The following GRIN1 variants were observed in gnomAD, a reference collection of about 807,000 sequenced individuals.
GRIN1 encodes the protein glutamate receptor ionotropic, NMDA 1.
Under a neutral mutation model 103.0 loss-of-function variants are expected in GRIN1, and 38 were observed. The ratio of observed to expected loss-of-function variants is 0.37; its 90% confidence interval spans 0.28 to 0.48. GRIN1 has a LOEUF of 0.48. GRIN1 is among the 20% of genes least tolerant of loss of function. The pLI is 0.98. For missense variants in GRIN1, 577 were observed against 1,288.9 expected (o/e 0.45, Z 8.46); for synonymous variants, 544 against 532.7 (o/e 1.02, Z -0.29).
chr9:137,144,470 C>CGT (rs1832361057), intron 2 of GRIN1, among the ~76,000 whole-genome samples: 4 of 151,524 alleles, frequency 2.6e-5, no homozygotes, highest in Non-Finnish European at 4.4e-5. Context: ...CTGGCTAATA[C>CGT]GGTGAAACCC....
intron 18 of GRIN1, chr9:137,164,425 G>A (rs547978631): frequency 6.9e-4 from 156 of 226,296 alleles, no homozygotes; most frequent in Non-Finnish European, 1.2e-3. Flanking sequence ...GGGCAGCCAC[G>A]GCCCACCTGG....
Position 137,164,484 on chromosome 9 carries a change from G to A in GRIN1, c.2589+580G>A, listed in dbSNP as rs1052884831. 5 of 175,130 alleles carry A rather than the reference G, an allele frequency of 2.9e-5. No individual in the cohort carries two copies. In the South Asian group the frequency reaches 5.4e-4, roughly 19 times the overall value. 10.8% of individuals were successfully genotyped at this position (175,130 alleles called of 1,614,324 possible). On this transcript the variant is annotated intron_variant, in intron 18 of 19. Coordinates refer to ENST00000371561, the MANE Select transcript of GRIN1 (RefSeq NM_007327.4). ...ACAGGCCTAAGGGCTCGTGGCCCGC[G>A]GTCGAGTTCCGGTTCACTCCGTCTC...
intron 2 of GRIN1, among the ~76,000 whole-genome samples, chr9:137,142,896 TGAG>T (rs1387046013): frequency 2.0e-5 from 3 of 152,152 alleles, no homozygotes; most frequent in Non-Finnish European, 4.4e-5. Context: ...CCACAGGCTA[TGAG>T]GAGGGCTTCT....
chr9:137,156,856 C>G lies in GRIN1; in HGVS notation c.794-7C>G, dbSNP rs761167653. On this transcript the variant is annotated splice_region_variant and splice_polypyrimidine_tract_variant and intron_variant, in intron 5 of 19. Coordinates refer to ENST00000371561, the MANE Select transcript of GRIN1 (RefSeq NM_007327.4). The stretch of plus-strand genomic sequence containing the variant: ...CCCCACGGGCTCTGAGTCGCATGCT[C>G]GCCTAGGCATCCTCGGGCTGCAGCT... 1.2e-6 allele frequency: 2 copies of G among 1,610,360 alleles called. No individual in the cohort carries two copies. Among genetic ancestry groups the G allele is most frequent in the Admixed American group, 1.7e-5 (1 of 59,796 alleles).
intron 4 of GRIN1, among the ~76,000 whole-genome samples, chr9:137,153,646 AC>A (rs2131258768): frequency 6.6e-6 from 1 of 152,238 alleles, no homozygotes; most frequent in Admixed American, 6.5e-5. Context: ...TGATATACGC[AC>A]ACCTACATAC....
intron 4 of GRIN1, among the ~76,000 whole-genome samples, chr9:137,150,062 G>A (rs543577660): frequency 6.6e-6 from 1 of 152,284 alleles, no homozygotes; most frequent in African/African-American, 2.4e-5. Flanking sequence ...CCAAGGTAGG[G>A]TTGTTGCTTA....
chr9:137,151,568 C>T (rs1292783666), intron 4 of GRIN1, among the ~76,000 whole-genome samples: 1 of 148,222 alleles, frequency 6.7e-6, no homozygotes, highest in Admixed American at 6.7e-5. Context: ...ACGTGCCACC[C>T]AGGGAAAGCC....
intron 4 of GRIN1, among the ~76,000 whole-genome samples, chr9:137,151,917 T>TTTTTTTTTTG: frequency 7.4e-6 from 1 of 134,938 alleles, no homozygotes. Context: ...TTTTTTTTTT[T>TTTTTTTTTTG]TTTCTTTGAG....
intron 19 of GRIN1, among the ~76,000 whole-genome samples, 161 bp from the exon 20 acceptor site, chr9:137,167,250 G>T (rs1833930427): frequency 1.3e-5 from 2 of 152,094 alleles, no homozygotes; most frequent in African/African-American, 4.8e-5. Context: ...GGAGGCGTGG[G>T]TGGGGGGCTC....
chr9:137,152,777 C>A (rs1832978366), intron 4 of GRIN1, among the ~76,000 whole-genome samples: 1 of 152,132 alleles, frequency 6.6e-6, no homozygotes, highest in East Asian at 1.9e-4. Context: ...GAGCACACAC[C>A]ACACACCACA....
chr9:137,157,068 GCTGCTCTTGGGGAGGTGGGCGGGGTCA>G, intron 6 of GRIN1, 31 bp downstream of exon 6: 1 of 1,582,232 alleles, frequency 6.3e-7, no homozygotes. Context: ...GCTGGGCGGG[GCTGCTCTTGGGGAGGTGGGCGGGGTCA>G]CTCCAGAGAT....
intron 2 of GRIN1, 96 bp downstream of exon 2, chr9:137,142,243 T>G: frequency 7.9e-7 from 1 of 1,263,466 alleles, no homozygotes; most frequent in Admixed American, 1.7e-5. Context: ...CACATGGAAC[T>G]CACACACCAC....
intron 14 of GRIN1, 24 bp from the exon 15 acceptor site, chr9:137,162,822 G>A: frequency 6.2e-7 from 1 of 1,610,882 alleles, no homozygotes; most frequent in Non-Finnish European, 8.5e-7. Context: ...CCGCCGCCGC[G>A]ATCCCTGCCC....
Position 137,158,606 on chromosome 9 carries a change from T to A in GRIN1, c.1114-15T>A. On this transcript the variant is annotated splice_polypyrimidine_tract_variant and intron_variant, in intron 7 of 19. Coordinates refer to ENST00000371561, the MANE Select transcript of GRIN1 (RefSeq NM_007327.4). ...CCCTGCGTGGCCACCCTCCATCTCATACTCCCACCCCCAGGTCATCCCTAA... is the reference window on the plus strand; with the variant it reads ...CCCTGCGTGGCCACCCTCCATCTCAAACTCCCACCCCCAGGTCATCCCTAA... 1.2e-6 allele frequency: 2 copies of A among 1,612,048 alleles called. No homozygotes were observed. Among genetic ancestry groups the A allele is most frequent in the Non-Finnish European group, 1.7e-6 (2 of 1,179,326 alleles).
intron 1 of GRIN1, among the ~76,000 whole-genome samples, chr9:137,141,209 C>T (rs1252861742): frequency 6.6e-6 from 1 of 152,228 alleles, no homozygotes; most frequent in African/African-American, 2.4e-5. Context: ...CCCCATTCGC[C>T]AAAGCTCTAA....
Position 137,162,527 on chromosome 9 carries a change from G to C in GRIN1, c.1864+11G>C. ...CCGGCATCGGGGAAGGTAAGGCCCC[G>C]CCCGGCCCGCCTGGTCCCGCCTCGG... On this transcript the variant is annotated intron_variant, in intron 13 of 19. Transcript: ENST00000371561. The C allele has an allele frequency of 6.2e-7, 1 of 1,610,612 alleles. No individual in the cohort carries two copies. The highest frequency in any genetic ancestry group is 8.5e-7 in the Non-Finnish European group (1 of 1,178,958).
In GRIN1 at chr9:137,154,432, C is replaced by CTTT. The variant is rs543160973; in HGVS notation, c.672-2200_672-2198dup. ...CAGCCACCACCCCCAGCTCCAACAACTTTTTTTTTTTTTTTTTTTTTTTTT... is the reference window on the plus strand; with the variant it reads ...CAGCCACCACCCCCAGCTCCAACAACTTTTTTTTTTTTTTTTTTTTTTTTTTTT... On this transcript the variant is annotated intron_variant, in intron 4 of 19. Transcript: ENST00000371561. Among the ~76,000 whole-genome samples the CTTT allele has an allele frequency of 4.2e-3, 179 of 43,012 alleles. 26 individuals are homozygous for CTTT. Among genetic ancestry groups the CTTT allele is most frequent in the Non-Finnish European group, 6.3e-3 (151 of 24,016 alleles). The allele number at this position is 43,012 out of a possible 152,430, so 28.2% of individuals were successfully genotyped here. A position where few individuals can be genotyped will look rare whatever the true frequency, so the allele number is the denominator to read the frequency against.
At chr9:137,156,646 C>A in intron 4 of GRIN1, 23 bp from the exon 5 acceptor site, 1 of 1,596,966 alleles carries the variant, frequency 6.3e-7, no homozygotes, top group Non-Finnish European at 8.5e-7. Flanking sequence ...AGTCCTGGCC[C>A]GTCATCCCCG....
At position 137,162,800 on chromosome 9, in the gene GRIN1, G is replaced by T. The variant is rs754041456; in HGVS notation, c.2014-46G>T. Reference sequence around the variant, plus strand: ...GTGAGCTGGGGTCGGCCTCGGTTAGGGGCCTGGGGAGCCGCCGCCGCGATC... The same window carrying T: ...GTGAGCTGGGGTCGGCCTCGGTTAGTGGCCTGGGGAGCCGCCGCCGCGATC... On this transcript the variant is annotated intron_variant, in intron 14 of 19. Coordinates refer to ENST00000371561, the MANE Select transcript of GRIN1 (RefSeq NM_007327.4). 1.9e-6 allele frequency: 3 copies of T among 1,606,812 alleles called. No individual in the cohort carries two copies. The Admixed American group carries it at 5.1e-5, about 27-fold the overall frequency.
Sources: gnomAD v4.1 joint callset for allele counts (sites outside exome capture counted in the v4.1 genomes callset) on GRCh38, gnomAD v4.1.1 for gene constraint, MANE v1.5 for transcripts, NCBI Gene and HGNC (gene_info 2026-07-23, HGNC 2026-07-21) for gene names.